The following ASXL3 variants were observed in gnomAD, a reference collection of about 807,000 sequenced individuals.
ASXL3 encodes putative Polycomb group protein ASXL3.
A neutral mutation model predicts 170.6 loss-of-function variants in ASXL3; 34 were observed. The observed-to-expected ratio is 0.20, with a 90% CI of 0.15 to 0.27. The LOEUF is 0.27. Among genes scored for constraint, ASXL3 ranks in the 10% least tolerant of loss-of-function variants. The probability of loss-of-function intolerance (pLI) is 1.00; values close to 1 mark genes in which losing one functional copy is unlikely to be tolerated. For synonymous variants in ASXL3, 1,002 were observed against 989.1 expected, an observed-to-expected ratio of 1.01 and a Z score of -0.24; for missense variants, 2,592 against 2,695.3, an observed-to-expected ratio of 0.96 and a Z score of 0.85.
rs186543879 is a variant in ASXL3 at position 33,730,406 on chromosome 18, T to C, written c.880-1562T>C. On this transcript the variant is annotated intron_variant, in intron 8 of 11. Transcript: ENST00000269197. The stretch of plus-strand genomic sequence containing the variant: ...GCAAGTGGTTGTTTGGGAATGATAG[T>C]GCAAAGGTTCTTTCATTCTGCCCCT... 7.0e-4 allele frequency among the ~76,000 whole-genome samples: 106 copies of C among 152,220 alleles called. 2 individuals are homozygous for C. Among genetic ancestry groups the C allele is most frequent in the Non-Finnish European group, 1.5e-4 (10 of 67,994 alleles).
rs1276116814 is a variant in ASXL3, at chr18:33,750,971, TA to T, written c.*4377del. 1 of 152,218 alleles carries T rather than the reference TA, an allele frequency of 6.6e-6. No homozygotes were observed. Among genetic ancestry groups the T allele is most frequent in the African/African-American group, 2.4e-5 (1 of 41,468 alleles). 9.4% of individuals were successfully genotyped at this position (152,218 alleles called of 1,614,324 possible). On this transcript the variant is annotated 3_prime_UTR_variant, in exon 12 of 12. Transcript: ENST00000269197. ...GAAAATTTTTAGACAGTGTTTTGTT[TA>T]GAATTCAGGGATCATGCATTCTTTA... is the stretch of plus-strand genomic sequence containing the variant.
chr18:33,745,699 T>A lies in ASXL3; in HGVS notation c.5851T>A (p.Ser1951Thr). 1 of 1,614,016 alleles carries A rather than the reference T, an allele frequency of 6.2e-7. No individual in the cohort carries two copies. Among genetic ancestry groups the A allele is most frequent in the Non-Finnish European group, 8.5e-7 (1 of 1,179,892 alleles). ...TCCTACTGCAGCTCTGTTACAGGCC[T>A]CTTCCAAGACCCCAGTGGGGTGTAA... The part of the protein sequence containing the change: ...PIPTAALLQA[S>T]SKTPVGCNAF... The change falls in exon 12 of 12, where the codon TCT (serine) becomes ACT (threonine). Residue 1951 changes from serine to threonine, a missense_variant. Around this residue, in one of 4 missense-constraint regions of ASXL3, gnomAD observed 2,246 missense variants for 2,219.6 expected, o/e 1.01. Coordinates refer to ENST00000269197, the MANE Select transcript of ASXL3 (RefSeq NM_030632.3).
At chr18:33,671,608 G>T in intron 6 of ASXL3, 139 bp from the exon 7 acceptor site, 1 of 647,292 alleles carries the variant, frequency 1.5e-6, no homozygotes. Context: ...TATCCAGTAG[G>T]GGAATCAGAT....
At chr18:33,735,199 G>A (rs1188059163) in intron 10 of ASXL3, among the ~76,000 whole-genome samples, 1 of 152,188 alleles carries the variant, frequency 6.6e-6, no homozygotes, top group African/African-American at 2.4e-5. Context: ...GATGGTTGCA[G>A]GTAACAAGAC....
intron 9 of ASXL3, among the ~76,000 whole-genome samples, chr18:33,733,512 T>A (rs1398534964): frequency 6.6e-6 from 1 of 152,180 alleles, no homozygotes; most frequent in Non-Finnish European, 1.5e-5. Context: ...CCACCTTTCC[T>A]GTGTGGTATT....
chr18:33,739,377 A>T lies in ASXL3; in HGVS notation c.1973A>T (p.Asn658Ile), dbSNP rs199864129. Residue 658 changes from asparagine to isoleucine, a missense_variant, in exon 11 of 12, where the codon AAT (asparagine) becomes ATT (isoleucine). Asn to Ile is a moderately radical substitution (Grantham distance 149). Transcript: ENST00000269197. ...TGTTCTGAGGTATCTAGCACTGAAAATACAGACAAATACAACCAGAGAAAT... is the reference window on the plus strand; with the variant it reads ...TGTTCTGAGGTATCTAGCACTGAAATTACAGACAAATACAACCAGAGAAAT... ...TFCSEVSSTE[N>I]TDKYNQRNST... 1.0e-4 allele frequency: 164 copies of T among 1,613,690 alleles called. No homozygotes were observed. The highest frequency in any genetic ancestry group is 2.6e-5 in the Non-Finnish European group (31 of 1,179,798).
intron 8 of ASXL3, among the ~76,000 whole-genome samples, chr18:33,686,820 C>T (rs909623337): frequency 6.6e-6 from 1 of 152,062 alleles, no homozygotes; most frequent in Non-Finnish European, 1.5e-5. Flanking sequence ...CACATGTTTT[C>T]GTGCCTGGGC....
At position 33,744,431 on chromosome 18, in the gene ASXL3, T is replaced by A; in HGVS notation, c.4583T>A (p.Val1528Asp). 6.2e-7 allele frequency: 1 copy of A among 1,613,784 alleles called. No individual in the cohort carries two copies. Among genetic ancestry groups the A allele is most frequent in the Non-Finnish European group, 8.5e-7 (1 of 1,179,822 alleles). Residue 1528 changes from valine to aspartate, a missense_variant, in exon 12 of 12, where the codon GTT (valine) becomes GAT (aspartate). By Grantham distance (152) the Val-to-Asp change is radical (BLOSUM62 -3). Around this residue, in one of 4 missense-constraint regions of ASXL3, gnomAD observed 2,246 missense variants for 2,219.6 expected, o/e 1.01. Coordinates refer to ENST00000269197, the MANE Select transcript of ASXL3 (RefSeq NM_030632.3). ...QVSVISRPEP[V>D]ANEGIDHSST... is the part of the protein sequence containing the mutation. The stretch of plus-strand genomic sequence containing the variant: ...TCTGTGATTAGCAGGCCTGAGCCAG[T>A]TGCCAACGAAGGTATAGATCACAGT...
intron 2 of ASXL3, among the ~76,000 whole-genome samples, chr18:33,630,880 A>G (rs138261962): frequency 7.4e-4 from 113 of 152,152 alleles, no homozygotes; most frequent in African/African-American, 2.6e-3. Flanking sequence ...CATTTTGAAA[A>G]TAATTTTTTC....
chr18:33,672,636 C>T (rs1599475291), intron 7 of ASXL3, among the ~76,000 whole-genome samples: 3 of 152,274 alleles, frequency 2.0e-5, no homozygotes, highest in Non-Finnish European at 4.4e-5. Context: ...TAACCTGGAT[C>T]GTTACAATAT....
intron 8 of ASXL3, among the ~76,000 whole-genome samples, chr18:33,730,764 C>G (rs1259687175): frequency 1.3e-5 from 2 of 152,184 alleles, no homozygotes; most frequent in African/African-American, 4.8e-5. Flanking sequence ...AGCACCCATA[C>G]AAGTGCCCTG....
chr18:33,596,981 T>A (rs1304371447), intron 1 of ASXL3, among the ~76,000 whole-genome samples: 1 of 152,020 alleles, frequency 6.6e-6, no homozygotes, highest in Non-Finnish European at 1.5e-5. Flanking sequence ...CTTGGCTAAT[T>A]TTTTTATCTT....
At chr18:33,687,129 G>A (rs9948176) in intron 8 of ASXL3, among the ~76,000 whole-genome samples, 3,403 of 152,278 alleles carry the variant, frequency 0.022, 132 homozygotes, top group African/African-American at 0.078. Context: ...TTTTTCTAGA[G>A]TAACTTAAGA....
intron 4 of ASXL3, among the ~76,000 whole-genome samples, chr18:33,657,395 T>C (rs1315500712): frequency 1.3e-5 from 2 of 152,136 alleles, no homozygotes; most frequent in Non-Finnish European, 2.9e-5. Flanking sequence ...GTTTGTATTC[T>C]GATTGCTCCT....
At chr18:33,632,003 T>C (rs148566686) in intron 2 of ASXL3, among the ~76,000 whole-genome samples, 40 of 152,298 alleles carry the variant, frequency 2.6e-4, no homozygotes, top group African/African-American at 8.7e-4. Flanking sequence ...CTTAGAGTTA[T>C]GTTCAGGAGT....
chr18:33,585,872 A>G (rs966225715), intron 1 of ASXL3, among the ~76,000 whole-genome samples: 3 of 152,190 alleles, frequency 2.0e-5, no homozygotes, highest in African/African-American at 7.2e-5. Flanking sequence ...GCATAGATGT[A>G]GCATAAATTA....
In ASXL3 at chr18:33,713,229, G is replaced by GTTTTTTTTTTTTTTT. The variant is rs1478922106; in HGVS notation, c.880-18731_880-18730insTTTTTTTTTTTTTTT. ...GCAGTTAGCAATCTACCACAAGAAG[G>GTTTTTTTTTTTTTTT]TTTTTTTTGTTTTGTTTTGTTTTTT... On this transcript the variant is annotated intron_variant, in intron 8 of 11. Transcript: ENST00000269197. Among the ~76,000 whole-genome samples the GTTTTTTTTTTTTTTT allele has an allele frequency of 3.4e-4, 28 of 81,764 alleles. 4 individuals are homozygous for GTTTTTTTTTTTTTTT. Among genetic ancestry groups the GTTTTTTTTTTTTTTT allele is most frequent in the African/African-American group, 7.5e-4 (12 of 16,044 alleles). 53.6% of individuals were successfully genotyped at this position (81,764 alleles called of 152,430 possible).
intron 8 of ASXL3, among the ~76,000 whole-genome samples, chr18:33,690,489 G>C (rs1225330214): frequency 6.6e-6 from 1 of 152,172 alleles, no homozygotes; most frequent in Non-Finnish European, 1.5e-5. Context: ...GTAGAAGAAA[G>C]TATGTGAGCC....
chr18:33,706,158 A>G (rs1300630288), intron 8 of ASXL3, among the ~76,000 whole-genome samples: 1 of 150,746 alleles, frequency 6.6e-6, no homozygotes, highest in Non-Finnish European at 1.5e-5. Context: ...TTTTAGGAAC[A>G]TTGATACTAT....
Sources: allele counts gnomAD v4.1 joint callset (sites outside exome capture counted in the v4.1 genomes callset), GRCh38; gene constraint gnomAD v4.1.1; regional missense constraint gnomAD v4.1.1; transcripts MANE v1.5; gene names NCBI Gene and HGNC (gene_info 2026-07-23, HGNC 2026-07-21).